SLC4A8: variants seen among roughly 807,000 people sequenced by gnomAD.
The protein encoded by SLC4A8 is electroneutral sodium bicarbonate exchanger 1.
Under a neutral mutation model 125.0 loss-of-function variants are expected in SLC4A8, and 40 were observed. The observed-to-expected ratio is 0.32, with a 90% CI of 0.25 to 0.42. SLC4A8 has a LOEUF of 0.42. Ranked by LOEUF, SLC4A8 falls within the 10% of genes least tolerant of loss-of-function variation. The probability of loss-of-function intolerance (pLI) is 1.00; values close to 1 mark genes in which losing one functional copy is unlikely to be tolerated. For synonymous variants in SLC4A8, 456 were observed against 476.0 expected, an observed-to-expected ratio of 0.96 and a Z score of 0.55; for missense variants, 863 against 1,355.1, an observed-to-expected ratio of 0.64 and a Z score of 5.70.
intron 1 of SLC4A8, among the ~76,000 whole-genome samples, chr12:51,405,776 C>T (rs893981374): frequency 2.0e-5 from 3 of 152,098 alleles, no homozygotes; most frequent in Non-Finnish European, 2.9e-5. Context: ...TTAAGGTTTT[C>T]GATTCATTCC....
intron 1 of SLC4A8, among the ~76,000 whole-genome samples, chr12:51,405,299 G>A (rs1380382299): frequency 1.3e-5 from 2 of 152,216 alleles, no homozygotes; most frequent in Non-Finnish European, 2.9e-5. Context: ...AGAATAGAGA[G>A]GCAAGAGGCT....
chr12:51,455,968 A>G (rs978321461), intron 5 of SLC4A8, among the ~76,000 whole-genome samples: 1 of 152,216 alleles, frequency 6.6e-6, no homozygotes, highest in African/African-American at 2.4e-5. Flanking sequence ...AACTCTTTGT[A>G]AACAACAGCA....
intron 21 of SLC4A8, 24 bp from the exon 22 acceptor site, chr12:51,496,963 C>CTT: frequency 5.1e-6 from 7 of 1,382,544 alleles, no homozygotes; most frequent in Admixed American, 1.9e-5. Context: ...CTTTAATTCA[C>CTT]TTTTTTTTTT....
At position 51,469,704 on chromosome 12, in the gene SLC4A8, T is replaced by C. The variant is rs763615325; in HGVS notation, c.1440T>C (p.Ala480=). 6.2e-7 allele frequency: 1 copy of C among 1,614,074 alleles called. No individual in the cohort carries two copies. The highest frequency in any genetic ancestry group is 1.1e-5 in the South Asian group (1 of 91,060). ...YRDALSLQCL[A]SFLFLYCACM... ...ATGCACTCAGCTTACAGTGTTTGGC[T>C]TCCTTTCTGTTCCTGTACTGTGCCT... Residue 480 remains alanine, a synonymous_variant, in exon 12 of 25, where the codon GCT becomes GCC. Coordinates refer to ENST00000453097, the MANE Select transcript of SLC4A8 (RefSeq NM_001039960.3).
At position 51,445,853 on chromosome 12, in the gene SLC4A8, A is replaced by AC. The variant is rs35716183; in HGVS notation, c.131-5015dup. Among the ~76,000 whole-genome samples the AC allele has an allele frequency of 8.6e-5, 13 of 151,328 alleles. No homozygotes were observed. The Middle Eastern group carries it at 0.014, about 158-fold the overall frequency. On this transcript the variant is annotated intron_variant, in intron 2 of 24. Coordinates refer to ENST00000453097, the MANE Select transcript of SLC4A8 (RefSeq NM_001039960.3). ...TGATATATTTTTGTTTTCATTTCTG[A>AC]CCCCCCCCAAGCAGAATATGTGTCC...
intron 16 of SLC4A8, among the ~76,000 whole-genome samples, chr12:51,483,373 A>C (rs907888802): frequency 6.6e-6 from 1 of 151,464 alleles, no homozygotes. Flanking sequence ...AAAAGAAAGA[A>C]AAAGAAAAGA....
intron 1 of SLC4A8, among the ~76,000 whole-genome samples, chr12:51,417,763 A>C (rs1292936079): frequency 6.6e-6 from 1 of 151,904 alleles, no homozygotes; most frequent in Non-Finnish European, 1.5e-5. Context: ...TGATCTGCCC[A>C]CCTCAGCCTC....
At chr12:51,500,920 G>A (rs1215974873) in intron 22 of SLC4A8, among the ~76,000 whole-genome samples, 3 of 148,752 alleles carry the variant, frequency 2.0e-5, no homozygotes, top group Non-Finnish European at 4.4e-5. Flanking sequence ...GGGTACATGT[G>A]CACAACGTGC....
intron 1 of SLC4A8, among the ~76,000 whole-genome samples, chr12:51,414,300 G>T (rs373420999): frequency 6.6e-6 from 1 of 151,932 alleles, no homozygotes; most frequent in East Asian, 1.9e-4. Flanking sequence ...GACTTCGTTG[G>T]TCAGTTCTAA....
intron 2 of SLC4A8, among the ~76,000 whole-genome samples, chr12:51,444,864 C>T (rs1949723249): frequency 6.6e-6 from 1 of 152,136 alleles, no homozygotes; most frequent in Non-Finnish European, 1.5e-5. Context: ...TTCTAATATC[C>T]AATCACTGCC....
chr12:51,435,568 G>C (rs1165159619), intron 1 of SLC4A8, among the ~76,000 whole-genome samples: 1 of 151,904 alleles, frequency 6.6e-6, no homozygotes, highest in African/African-American at 2.4e-5. Flanking sequence ...GACCAGCCTG[G>C]GCAACATAGT....
At chr12:51,494,792 C>G in intron 20 of SLC4A8, 153 bp from the exon 21 acceptor site, 1 of 565,200 alleles carries the variant, frequency 1.8e-6, no homozygotes, top group Non-Finnish European at 3.0e-6. Context: ...GCCAAATTGC[C>G]TGGTCTTTTA....
chr12:51,424,498 A>G (rs73095168), upstream of SLC4A8: 715 of 154,366 alleles, frequency 4.6e-3, 3 homozygotes, highest in Admixed American at 0.011. Flanking sequence ...TCCTCCTGCA[A>G]TCGCGAAGGA....
intron 2 of SLC4A8, 161 bp downstream of exon 2, chr12:51,440,950 G>T: frequency 5.3e-6 from 5 of 940,838 alleles, no homozygotes; most frequent in Non-Finnish European, 7.5e-6. Flanking sequence ...AATAAAAGTG[G>T]GGATACTAAT....
chr12:51,503,310 C>T (rs1230281539), intron 22 of SLC4A8, among the ~76,000 whole-genome samples: 7 of 151,334 alleles, frequency 4.6e-5, no homozygotes, highest in Non-Finnish European at 5.9e-5. Flanking sequence ...TTGCAACCTC[C>T]GACTCCCGGG....
intron 9 of SLC4A8, chr12:51,462,048 A>C: frequency 2.9e-6 from 1 of 346,882 alleles, no homozygotes. Context: ...AGATAACATA[A>C]TTGTACAACT....
intron 1 of SLC4A8, among the ~76,000 whole-genome samples, chr12:51,429,656 C>G (rs1214841969): frequency 6.6e-6 from 1 of 151,920 alleles, no homozygotes; most frequent in East Asian, 1.9e-4. Context: ...ACATGAACCA[C>G]TATGTCCAGC....
At chr12:51,495,171 G>A in intron 21 of SLC4A8, 53 bp downstream of exon 21, 1 of 1,442,588 alleles carries the variant, frequency 6.9e-7, no homozygotes, top group South Asian at 1.3e-5. Flanking sequence ...TTTTTTAGTG[G>A]TAAAATATTA....
At chr12:51,480,731 G>A (rs975376399) in intron 16 of SLC4A8, 4 of 477,584 alleles carry the variant, frequency 8.4e-6, no homozygotes, top group Non-Finnish European at 1.1e-5. Context: ...AAGACTACTG[G>A]AAGAATCATG....
Sources: allele counts gnomAD v4.1 joint callset (sites outside exome capture counted in the v4.1 genomes callset), GRCh38; gene constraint gnomAD v4.1.1; transcripts MANE v1.5; gene names NCBI Gene and HGNC (gene_info 2026-07-23, HGNC 2026-07-21).